Variants in CAMTA1 observed in about 807,000 individuals in gnomAD.
The protein encoded by CAMTA1 is calmodulin binding transcription activator 1, also known as calmodulin-binding transcription activator 1.
A neutral mutation model predicts 170.9 loss-of-function variants in CAMTA1; 27 were observed. That is an observed-to-expected ratio of 0.16 (90% confidence interval 0.12 to 0.22). CAMTA1 has a LOEUF of 0.22. Among genes scored for constraint, CAMTA1 ranks in the 10% least tolerant of loss-of-function variants. The pLI is 1.00. For synonymous variants in CAMTA1, 833 were observed against 891.5 expected (o/e 0.93, Z 1.17); for missense variants, 1,619 against 2,217.2 (o/e 0.73, Z 5.42).
chr1:7,500,743 G>A (rs548126780), intron 6 of CAMTA1, among the ~76,000 whole-genome samples: 2 of 152,258 alleles, frequency 1.3e-5, no homozygotes, highest in South Asian at 4.2e-4. Flanking sequence ...GAGGGCCGGT[G>A]TTCCCTTGCC....
chr1:7,464,983 C>T (rs2093176853), intron 5 of CAMTA1, among the ~76,000 whole-genome samples: 1 of 152,218 alleles, frequency 6.6e-6, no homozygotes, highest in Non-Finnish European at 1.5e-5. Flanking sequence ...CCCACTTGGA[C>T]AGCAAAGCGC....
intron 4 of CAMTA1, among the ~76,000 whole-genome samples, chr1:7,237,240 A>G (rs1664050169): frequency 6.6e-6 from 1 of 152,188 alleles, no homozygotes; most frequent in Admixed American, 6.5e-5. Context: ...GCTGCAAGTA[A>G]CAGATCTTAT....
chr1:7,428,118 A>G (rs183214167), intron 5 of CAMTA1, among the ~76,000 whole-genome samples: 33 of 152,240 alleles, frequency 2.2e-4, no homozygotes, highest in African/African-American at 7.0e-4. Flanking sequence ...CAGAAGTGCT[A>G]TCTGGAGGGA....
At chr1:6,916,254 C>T (rs958280744) in intron 3 of CAMTA1, among the ~76,000 whole-genome samples, 3 of 152,096 alleles carry the variant, frequency 2.0e-5, no homozygotes, top group African/African-American at 7.2e-5. Context: ...AGCGCAGAGC[C>T]CAGGGCGCTT....
chr1:7,157,722 C>T (rs1446931068), intron 4 of CAMTA1, among the ~76,000 whole-genome samples: 1 of 152,156 alleles, frequency 6.6e-6, no homozygotes, highest in African/African-American at 2.4e-5. Context: ...AACATATGTT[C>T]ACAAAAAGAC....
intron 3 of CAMTA1, among the ~76,000 whole-genome samples, chr1:6,826,181 G>A (rs924342306): frequency 1.3e-5 from 2 of 152,158 alleles, no homozygotes. Context: ...TTTGTTTTGC[G>A]TGGTGGGAGG....
chr1:7,668,968 G>A lies in CAMTA1; in HGVS notation c.2653-1943G>A, dbSNP rs529617964. ...TCCCAAAGTCAGGCTCCACCTGTCC[G>A]CCGGCACTCTTCTCAGCCAGGCACC... On this transcript the variant is annotated intron_variant, in intron 9 of 22. Transcript: ENST00000303635. Among the ~76,000 whole-genome samples, 68 of 152,116 alleles carry A rather than the reference G, an allele frequency of 4.5e-4. No individual in the cohort carries two copies. The East Asian group carries it at 7.9e-3, about 18-fold the overall frequency.
chr1:7,549,006 G>T (rs1221561226), intron 6 of CAMTA1, among the ~76,000 whole-genome samples: 1 of 141,808 alleles, frequency 7.1e-6, no homozygotes, highest in Non-Finnish European at 1.6e-5. Flanking sequence ...GGTGCTGGTG[G>T]AGGGTGCCCC....
chr1:7,255,351 C>T (rs977132900), intron 5 of CAMTA1, among the ~76,000 whole-genome samples: 9 of 152,120 alleles, frequency 5.9e-5, no homozygotes, highest in Admixed American at 3.9e-4. Context: ...CATGTGTCTT[C>T]GGTCTGTGGA....
chr1:6,881,039 C>T (rs1334920832), intron 3 of CAMTA1, among the ~76,000 whole-genome samples: 5 of 152,090 alleles, frequency 3.3e-5, no homozygotes, highest in Non-Finnish European at 7.4e-5. Flanking sequence ...CTGTCATTAT[C>T]CCCATTTCAT....
At chr1:7,282,666 G>C (rs72863550) in intron 5 of CAMTA1, among the ~76,000 whole-genome samples, 5,064 of 152,232 alleles carry the variant, frequency 0.033, 236 homozygotes, top group African/African-American at 0.1. Flanking sequence ...AGTAAAGAAG[G>C]ATATGCCAGA....
At chr1:7,106,255 GGAGA>G (rs140851676) in intron 4 of CAMTA1, among the ~76,000 whole-genome samples, 6 of 149,792 alleles carry the variant, frequency 4.0e-5, no homozygotes, top group Admixed American at 1.3e-4. Context: ...AGGGAGGAAG[GGAGA>G]GAGAGAGAGA....
intron 3 of CAMTA1, among the ~76,000 whole-genome samples, chr1:7,000,133 A>T (rs1190235509): frequency 6.6e-6 from 1 of 152,084 alleles, no homozygotes; most frequent in Admixed American, 6.5e-5. Flanking sequence ...TAGGGACAGG[A>T]TGGGAGATGT....
Position 7,158,585 on chromosome 1 carries a change from A to G in CAMTA1, c.302+67214A>G, listed in dbSNP as rs565873197. On this transcript the variant is annotated intron_variant, in intron 4 of 22. Coordinates refer to ENST00000303635, the MANE Select transcript of CAMTA1 (RefSeq NM_015215.4). ...CTTTAGACTTGTACTGATGTTGGCA[A>G]TTTACTCTGAAATGCATCAAAAAAT... 5.3e-5 allele frequency among the ~76,000 whole-genome samples: 8 copies of G among 152,326 alleles called. No homozygotes were observed. In the South Asian group the frequency reaches 6.2e-4, roughly 12 times the overall value.
At chr1:7,654,575 C>G (rs2095867765) in intron 7 of CAMTA1, among the ~76,000 whole-genome samples, 1 of 146,300 alleles carries the variant, frequency 6.8e-6, no homozygotes, top group Admixed American at 6.8e-5. Flanking sequence ...TACACACACA[C>G]CTATACATAC....
In CAMTA1 at chr1:6,809,439, T is replaced by C. The variant is rs74648090; in HGVS notation, c.46-10742T>C. On this transcript the variant is annotated intron_variant, in intron 1 of 22. Transcript: ENST00000303635. ...GTCCTTCATATCACCCTGCTTTTTT[T>C]CTTCATTGTTCTTCCAGAGGGCAAG... is the stretch of plus-strand genomic sequence containing the variant. Among the ~76,000 whole-genome samples, 5 of 152,178 alleles carry C rather than the reference T, an allele frequency of 3.3e-5. No homozygotes were observed. In the East Asian group the frequency reaches 9.6e-4, roughly 29 times the overall value.
chr1:7,424,200 C>G (rs1481071785), intron 5 of CAMTA1, among the ~76,000 whole-genome samples: 2 of 152,184 alleles, frequency 1.3e-5, no homozygotes, highest in Non-Finnish European at 2.9e-5. Flanking sequence ...CCATTGCATA[C>G]AGGCAGCTGC....
At chr1:7,276,303 A>ATATATATAATTTTTT in intron 5 of CAMTA1, among the ~76,000 whole-genome samples, 1 of 24,232 alleles carries the variant, frequency 4.1e-5, no homozygotes, top group African/African-American at 3.0e-4. Flanking sequence ...ATATATATAT[A>ATATATATAATTTTTT]TTTTTTTTTT....
At chr1:7,100,446 CCT>C (rs1242267041) in intron 4 of CAMTA1, among the ~76,000 whole-genome samples, 18 of 152,296 alleles carry the variant, frequency 1.2e-4, no homozygotes, top group South Asian at 1.0e-3. Flanking sequence ...TCTCATTCTT[CCT>C]CTCTCTCCTC....
Sources: allele counts gnomAD v4.1 joint callset (sites outside exome capture counted in the v4.1 genomes callset), GRCh38; gene constraint gnomAD v4.1.1; transcripts MANE v1.5; gene names NCBI Gene and HGNC (gene_info 2026-07-23, HGNC 2026-07-21).